The following TAT variants were observed in gnomAD, a reference collection of about 807,000 sequenced individuals.
The protein encoded by TAT is tyrosine aminotransferase, also known as L-tyrosine:2-oxoglutarate aminotransferase.
Under a neutral mutation model 53.6 loss-of-function variants are expected in TAT, and 35 were observed. The observed-to-expected ratio is 0.65, with a 90% CI of 0.50 to 0.87. The LOEUF is 0.87. Among genes scored for constraint, TAT ranks in the 40% least tolerant of loss-of-function variants. The pLI, the probability that TAT is intolerant of heterozygous loss-of-function variation, is 0.00. For synonymous variants in TAT, 197 were observed against 206.5 expected (o/e 0.95, Z 0.39); for missense variants, 525 against 571.8 (o/e 0.92, Z 0.83).
In TAT at chr16:71,567,201, G is replaced by T. The variant is rs564309840; in HGVS notation, c.*943C>A. 2 of 152,378 alleles carry T rather than the reference G, an allele frequency of 1.3e-5. No individual in the cohort carries two copies. Among genetic ancestry groups the T allele is most frequent in the African/African-American group, 4.8e-5 (2 of 41,546 alleles). The allele number at this position is 152,378 out of a possible 1,614,324, so 9.4% of individuals were successfully genotyped here. On this transcript the variant is annotated 3_prime_UTR_variant, in exon 12 of 12. Coordinates refer to ENST00000355962, the MANE Select transcript of TAT (RefSeq NM_000353.3). ...AGGCGGGCAGATTGCCTGAGGTCAG[G>T]AGTTTGAGACCAGCCTGGCTAACAT...
chr16:71,575,062 C>CT (rs1295615446), intron 3 of TAT: 2 of 152,076 alleles, frequency 1.3e-5, no homozygotes, highest in Non-Finnish European at 2.9e-5. Flanking sequence ...TCATTAGAAA[C>CT]TTTTTTTATA....
In TAT at chr16:71,567,018, A is replaced by C. The variant is rs2044167798; in HGVS notation, c.*1126T>G. 1 of 152,248 alleles carries C rather than the reference A, an allele frequency of 6.6e-6. No individual in the cohort carries two copies. The highest frequency in any genetic ancestry group is 6.5e-5 in the Admixed American group (1 of 15,290). 9.4% of individuals were successfully genotyped at this position (152,248 alleles called of 1,614,324 possible). ...GCAAAAGTAATAATGATTATATAACAATGACAAGTGAAGATATTTCTGGCC... is the reference window on the plus strand; with the variant it reads ...GCAAAAGTAATAATGATTATATAACCATGACAAGTGAAGATATTTCTGGCC... On this transcript the variant is annotated 3_prime_UTR_variant, in exon 12 of 12. Transcript: ENST00000355962.
At chr16:71,572,088 A>T in intron 6 of TAT, 98 bp downstream of exon 6, 1 of 1,526,102 alleles carries the variant, frequency 6.6e-7, no homozygotes, top group Admixed American at 1.7e-5. Flanking sequence ...CCTCCACCCC[A>T]GGCTTGGAAC....
chr16:71,570,671 A>C lies in TAT; in HGVS notation c.912+8T>G, dbSNP rs773166182. ...TAAATTACACATACTCTTTCACCAT[A>C]TTATCACCTCATTGCCAAAAATGTC... On this transcript the variant is annotated splice_region_variant and intron_variant, in intron 8 of 11. Coordinates refer to ENST00000355962, the MANE Select transcript of TAT (RefSeq NM_000353.3). 1 of 1,614,132 alleles carries C rather than the reference A, an allele frequency of 6.2e-7. No homozygotes were observed. The highest frequency in any genetic ancestry group is 1.7e-5 in the Admixed American group (1 of 60,018).
intron 7 of TAT, 65 bp from the exon 8 acceptor site, chr16:71,570,896 G>A: frequency 1.9e-6 from 3 of 1,572,024 alleles, no homozygotes; most frequent in Non-Finnish European, 2.6e-6. Context: ...CAGATCCCGT[G>A]GCTCCCACCC....
intron 6 of TAT, 119 bp from the exon 7 acceptor site, chr16:71,571,777 A>G: frequency 9.9e-7 from 1 of 1,013,966 alleles, no homozygotes; most frequent in Non-Finnish European, 1.5e-6. Context: ...TCTTAAAGAG[A>G]AAGACAAAAA....
Position 71,572,622 on chromosome 16 carries a change from C to CTGGGT in TAT, c.470_474dup (p.Gly159ThrfsTer42). On this transcript the variant is annotated frameshift_variant, in exon 5 of 12. Coordinates refer to ENST00000355962, the MANE Select transcript of TAT (RefSeq NM_000353.3). LOFTEE classifies it high-confidence loss of function. ...GGTCTTGGAACCAGGATGTTTTGCCCTGGGTTGGCCAACACAGCTAAACAA... is the reference window on the plus strand; with the variant it reads ...GGTCTTGGAACCAGGATGTTTTGCCCTGGGTTGGGTTGGCCAACACAGCTAAACAA... 6.2e-7 allele frequency: 1 copy of CTGGGT among 1,614,232 alleles called. No individual in the cohort carries two copies. Among genetic ancestry groups the CTGGGT allele is most frequent in the Non-Finnish European group, 8.5e-7 (1 of 1,180,032 alleles).
intron 10 of TAT, 84 bp downstream of exon 10, chr16:71,569,770 T>C (rs1163210234): frequency 7.5e-7 from 1 of 1,334,708 alleles, no homozygotes; most frequent in Non-Finnish European, 1.1e-6. Context: ...GTACCCTGCG[T>C]GACTGCCTGT....
At chr16:71,568,338 A>G in intron 11 of TAT, 54 bp from the exon 12 acceptor site, 1 of 1,596,510 alleles carries the variant, frequency 6.3e-7, no homozygotes, top group South Asian at 1.1e-5. Flanking sequence ...GTACTGGACC[A>G]CCCTAAAATG....
At chr16:71,574,160 A>G (rs771168962) in intron 3 of TAT, among the ~76,000 whole-genome samples, 3 of 152,286 alleles carry the variant, frequency 2.0e-5, no homozygotes, top group Non-Finnish European at 4.4e-5. Context: ...GCACGAATGT[A>G]TAAATGATAA....
rs376128368 is a variant in TAT, at chr16:71,576,425, A to C, written c.-10T>G. 12 of 1,613,678 alleles carry C rather than the reference A, an allele frequency of 7.4e-6. No homozygotes were observed. The Admixed American group carries it at 1.7e-4, about 22-fold the overall frequency. The stretch of plus-strand genomic sequence containing the variant: ...TCATGTATGGGTCCATCACTAGCGA[A>C]GCCTGCGAGGGGAAAGAAGTTCCCT... On this transcript the variant is annotated splice_region_variant and 5_prime_UTR_variant, in exon 2 of 12. Coordinates refer to ENST00000355962, the MANE Select transcript of TAT (RefSeq NM_000353.3).
In TAT at chr16:71,572,403, G is replaced by A. The variant is rs1036395215; in HGVS notation, c.568-79C>T. 2.0e-5 allele frequency: 32 copies of A among 1,606,006 alleles called. No individual in the cohort carries two copies. In the African/African-American group the frequency reaches 3.3e-4, roughly 17 times the overall value. ...TCCTCACTTATCTCAAGGGTCCAAT[G>A]TAAGCAATAAAGTCTGTCTCTGGCT... On this transcript the variant is annotated intron_variant, in intron 5 of 11. Coordinates refer to ENST00000355962, the MANE Select transcript of TAT (RefSeq NM_000353.3).
At chr16:71,575,837 A>G in intron 3 of TAT, 85 bp downstream of exon 3, 1 of 1,316,682 alleles carries the variant, frequency 7.6e-7, no homozygotes, top group Non-Finnish European at 1.1e-6. Flanking sequence ...CAGGAAAGTG[A>G]AGAGGATTGC....
chr16:71,570,387 C>A lies in TAT; in HGVS notation c.923G>T (p.Gly308Val). ...RDIFGNEIRD[G>V]LVKLSQRILG... ...AATGCGCTGACTCAGCTTCACCAGC[C>A]CATCTCGGATCTAAAAGACACCCAC... The change falls in exon 9 of 12, where the codon GGG becomes GTG. Residue 308 changes from glycine to valine, a missense_variant. Gly to Val is a moderately radical substitution (Grantham distance 109). Transcript: ENST00000355962. 6.2e-7 allele frequency: 1 copy of A among 1,614,128 alleles called. No individual in the cohort carries two copies. Among genetic ancestry groups the A allele is most frequent in the Non-Finnish European group, 8.5e-7 (1 of 1,180,032 alleles).
chr16:71,570,576 A>G (rs1172066170), intron 8 of TAT, 103 bp downstream of exon 8: 7 of 1,581,444 alleles, frequency 4.4e-6, no homozygotes, highest in African/African-American at 4.0e-5. Context: ...ATGCTGCTTG[A>G]CTGACAAGGA....
chr16:71,566,967 ATT>A lies in TAT; in HGVS notation c.*1175_*1176del, dbSNP rs2044167400. 6.6e-6 allele frequency: 1 copy of A among 152,112 alleles called. No individual in the cohort carries two copies. The highest frequency in any genetic ancestry group is 2.1e-4 in the South Asian group (1 of 4,834). 9.4% of individuals were successfully genotyped at this position (152,112 alleles called of 1,614,324 possible). ...GAAAATGTATGAAAAGATAATATAT[ATT>A]AATAAATCAATATTAACATTACAGC... is the stretch of plus-strand genomic sequence containing the variant. On this transcript the variant is annotated 3_prime_UTR_variant, in exon 12 of 12. Transcript: ENST00000355962.
At chr16:71,572,463 T>A (rs2044209542) in intron 5 of TAT, 67 bp downstream of exon 5, 3 of 1,610,232 alleles carry the variant, frequency 1.9e-6, no homozygotes, top group Non-Finnish European at 2.5e-6. Context: ...TCTGCTGAAG[T>A]AATGTTCATA....
rs1220118592 is a variant in TAT at position 71,566,216 on chromosome 16, G to A, written c.*1928C>T. ...AAAATTAAAAGGTAAATTTTGCTGT[G>A]AGCTCACTGAACTCAAATTGAAAGG... On this transcript the variant is annotated 3_prime_UTR_variant, in exon 12 of 12. Transcript: ENST00000355962. The A allele has an allele frequency of 2.0e-5, 3 of 150,344 alleles. No homozygotes were observed. The highest frequency in any genetic ancestry group is 7.6e-5 in the African/African-American group (3 of 39,672). 9.3% of individuals were successfully genotyped at this position (150,344 alleles called of 1,614,324 possible). A position where few individuals can be genotyped will look rare whatever the true frequency, so the allele number is the denominator to read the frequency against.
Position 71,568,077 on chromosome 16 carries a change from G to C in TAT, c.*67C>G, listed in dbSNP as rs2044176340. On this transcript the variant is annotated 3_prime_UTR_variant, in exon 12 of 12. Coordinates refer to ENST00000355962, the MANE Select transcript of TAT (RefSeq NM_000353.3). ...TCCCAGTAGGGCCACCTGAGTCCCT[G>C]AGGAGCCGCAAGGCCTAGTCCAGCC... The C allele has an allele frequency of 1.9e-6, 3 of 1,605,408 alleles. No individual in the cohort carries two copies. The highest frequency in any genetic ancestry group is 1.7e-6 in the Non-Finnish European group (2 of 1,172,842).
Sources: gnomAD v4.1 joint callset for allele counts (sites outside exome capture counted in the v4.1 genomes callset) on GRCh38, gnomAD v4.1.1 for gene constraint, MANE v1.5 for transcripts, NCBI Gene and HGNC (gene_info 2026-07-23, HGNC 2026-07-21) for gene names.